Variants in FRMD4A observed in about 807,000 individuals in gnomAD.
FRMD4A encodes the protein FERM domain-containing protein 4A.
Under a neutral mutation model 129.1 loss-of-function variants are expected in FRMD4A, and 29 were observed. That is an observed-to-expected ratio of 0.22 (90% CI 0.17 to 0.31). The LOEUF (loss-of-function observed/expected upper bound fraction) is 0.31, where lower values mean the gene tolerates loss of function less well. Ranked by LOEUF, FRMD4A falls within the 10% of genes least tolerant of loss-of-function variation. The pLI is 1.00. For missense variants in FRMD4A, 1,272 were observed against 1,375.8 expected (o/e 0.92, Z 1.19); for synonymous variants, 634 against 571.6 (o/e 1.11, Z -1.56).
intron 4 of FRMD4A, 45 bp from the exon 5 acceptor site, chr10:13,796,633 G>T: frequency 9.3e-7 from 1 of 1,080,526 alleles, no homozygotes; most frequent in Non-Finnish European, 1.4e-6. Flanking sequence ...GCATTTTGCA[G>T]AAGTTTTTTT....
chr10:14,155,644 G>A (rs966076319), intron 2 of FRMD4A, among the ~76,000 whole-genome samples: 18 of 152,150 alleles, frequency 1.2e-4, no homozygotes, highest in East Asian at 3.8e-4. Context: ...GATTAATGCC[G>A]CATACAATGC....
chr10:13,928,012 A>G (rs1170996025), intron 2 of FRMD4A, among the ~76,000 whole-genome samples: 1 of 118,346 alleles, frequency 8.4e-6, no homozygotes, highest in African/African-American at 3.2e-5. Context: ...TATACTTAAC[A>G]TACCTTTTTT....
At chr10:13,757,288 T>C (rs1278589619) in intron 8 of FRMD4A, among the ~76,000 whole-genome samples, 1 of 152,252 alleles carries the variant, frequency 6.6e-6, no homozygotes, top group Non-Finnish European at 1.5e-5. Context: ...GTTTTACATG[T>C]ATATACATCA....
chr10:14,270,678 TAACCCTGTG>T (rs2132046062), intron 2 of FRMD4A, among the ~76,000 whole-genome samples: 1 of 152,342 alleles, frequency 6.6e-6, no homozygotes, highest in African/African-American at 2.4e-5. Flanking sequence ...AATTCTCACT[TAACCCTGTG>T]AATAGGCTCT....
At chr10:14,266,631 A>G (rs1214997310) in intron 2 of FRMD4A, among the ~76,000 whole-genome samples, 2 of 152,174 alleles carry the variant, frequency 1.3e-5, no homozygotes, top group African/African-American at 4.8e-5. Flanking sequence ...TATAAAGAGA[A>G]CACATTCATA....
chr10:13,790,133 G>A (rs941112411), intron 5 of FRMD4A, among the ~76,000 whole-genome samples: 1 of 151,302 alleles, frequency 6.6e-6, no homozygotes, highest in African/African-American at 2.4e-5. Flanking sequence ...AGTAGTGACT[G>A]AGGGAACAGG....
At chr10:14,104,348 G>A (rs192722510) in intron 2 of FRMD4A, among the ~76,000 whole-genome samples, 1 of 152,340 alleles carries the variant, frequency 6.6e-6, no homozygotes. Flanking sequence ...CTGCCATTGA[G>A]GTCTACACTG....
chr10:13,840,486 A>G (rs1450605848), intron 3 of FRMD4A, among the ~76,000 whole-genome samples: 1 of 152,176 alleles, frequency 6.6e-6, no homozygotes, highest in African/African-American at 2.4e-5. Flanking sequence ...TAATATGGTG[A>G]CAGTTAAAAA....
chr10:14,127,854 T>C (rs1219074511), intron 2 of FRMD4A, among the ~76,000 whole-genome samples: 1 of 152,182 alleles, frequency 6.6e-6, no homozygotes, highest in Non-Finnish European at 1.5e-5. Context: ...CTTCCTAAAT[T>C]ATCCCCAGCC....
intron 2 of FRMD4A, among the ~76,000 whole-genome samples, chr10:14,227,596 G>A (rs1843489257): frequency 6.6e-6 from 1 of 151,960 alleles, no homozygotes; most frequent in Admixed American, 6.6e-5. Flanking sequence ...CTCTCAGCTT[G>A]AGCGTCACTT....
intron 12 of FRMD4A, among the ~76,000 whole-genome samples, chr10:13,713,445 A>C (rs1263722892): frequency 6.6e-6 from 1 of 152,190 alleles, no homozygotes; most frequent in Non-Finnish European, 1.5e-5. Flanking sequence ...AATAATCTCC[A>C]AGCTCAGAAG....
intron 9 of FRMD4A, among the ~76,000 whole-genome samples, chr10:13,747,259 G>A (rs1372688615): frequency 2.0e-5 from 3 of 151,976 alleles, no homozygotes; most frequent in African/African-American, 7.2e-5. Flanking sequence ...CGGGCCAGGC[G>A]TGGTAGCTCA....
At chr10:14,111,499 C>T (rs1837899356) in intron 2 of FRMD4A, among the ~76,000 whole-genome samples, 1 of 152,184 alleles carries the variant, frequency 6.6e-6, no homozygotes. Context: ...ACACAGTCCT[C>T]TACCCTGCAG....
intron 2 of FRMD4A, among the ~76,000 whole-genome samples, chr10:14,049,493 G>T (rs1353362316): frequency 6.6e-6 from 1 of 152,192 alleles, no homozygotes; most frequent in Non-Finnish European, 1.5e-5. Flanking sequence ...AAAGAGGTCA[G>T]CCCAACTGTG....
intron 2 of FRMD4A, among the ~76,000 whole-genome samples, chr10:13,990,476 T>C (rs2095599505): frequency 6.6e-6 from 1 of 152,160 alleles, no homozygotes; most frequent in Non-Finnish European, 1.5e-5. Context: ...TTGTGGAGCA[T>C]GTCTGGGAGT....
chr10:13,907,094 C>A (rs1358076124), intron 2 of FRMD4A, among the ~76,000 whole-genome samples: 1 of 152,008 alleles, frequency 6.6e-6, no homozygotes, highest in Non-Finnish European at 1.5e-5. Context: ...GACAACACTG[C>A]CGAAAAATGA....
rs556483190 is a variant in FRMD4A, at chr10:13,775,191, T to C, written c.384+7731A>G. On this transcript the variant is annotated intron_variant, in intron 6 of 24. Transcript: ENST00000357447. The stretch of plus-strand genomic sequence containing the variant: ...TCAAAGAAACAATCCAAAAAGAACC[T>C]CACAACTAAAAAAGAATGCATGTCA... Among the ~76,000 whole-genome samples the C allele has an allele frequency of 1.0e-3, 152 of 152,078 alleles. 2 individuals are homozygous for C. The highest frequency in any genetic ancestry group is 3.5e-3 in the African/African-American group (144 of 41,492).
intron 3 of FRMD4A, 73 bp from the exon 4 acceptor site, chr10:13,810,981 T>G: frequency 2.7e-6 from 2 of 731,696 alleles, no homozygotes; most frequent in Non-Finnish European, 4.7e-6. Context: ...AATCTCAGGT[T>G]TCCATAATTT....
At chr10:14,106,771 T>C (rs544933012) in intron 2 of FRMD4A, among the ~76,000 whole-genome samples, 2 of 152,350 alleles carry the variant, frequency 1.3e-5, no homozygotes, top group South Asian at 2.1e-4. Context: ...ATGAAATCGC[T>C]ATGACATAAA....
Sources: gnomAD v4.1 joint callset for allele counts (sites outside exome capture counted in the v4.1 genomes callset) on GRCh38, gnomAD v4.1.1 for gene constraint, MANE v1.5 for transcripts, NCBI Gene and HGNC (gene_info 2026-07-23, HGNC 2026-07-21) for gene names.